ARK2C: variants seen among roughly 807,000 people sequenced by gnomAD.
ARK2C encodes E3 ubiquitin-protein ligase ARK2C.
the ARK2C span, among the ~76,000 whole-genome samples, chr18:46,344,166 G>T: frequency 6.6e-6 from 1 of 152,224 alleles, no homozygotes; most frequent in Non-Finnish European, 1.5e-5. Context: ...AGGAAAGGAA[G>T]CGGCGGCTGC....
At chr18:46,425,200 G>A in the ARK2C span, among the ~76,000 whole-genome samples, 3 of 152,120 alleles carry the variant, frequency 2.0e-5, no homozygotes, top group East Asian at 1.9e-4. Context: ...CTGAGGAGGC[G>A]GGAACTCGGG....
chr18:46,428,357 T>C, the ARK2C span, among the ~76,000 whole-genome samples: 5 of 152,050 alleles, frequency 3.3e-5, no homozygotes, highest in Non-Finnish European at 5.9e-5. Flanking sequence ...TGCAGTGAGC[T>C]GAGATCGTGC....
At chr18:46,405,135 T>C in the ARK2C span, among the ~76,000 whole-genome samples, 1 of 152,238 alleles carries the variant, frequency 6.6e-6, no homozygotes, top group Non-Finnish European at 1.5e-5. Context: ...TCAACATGTC[T>C]ATGGTGTACA....
chr18:46,347,881 C>T, the ARK2C span, among the ~76,000 whole-genome samples: 1 of 152,148 alleles, frequency 6.6e-6, no homozygotes, highest in East Asian at 1.9e-4. Context: ...TTGTTCAGCT[C>T]ATCTAACACA....
At chr18:46,335,758 C>T in the ARK2C span, 7 of 287,636 alleles carry the variant, frequency 2.4e-5, no homozygotes, top group Non-Finnish European at 3.1e-5. Context: ...GTCCCCAGCC[C>T]CGCGCCTCTC....
the ARK2C span, chr18:46,459,478 G>A: frequency 6.6e-6 from 1 of 152,322 alleles, no homozygotes; most frequent in African/African-American, 2.4e-5. Flanking sequence ...CACGTGCTGG[G>A]TGAGACAGTG....
chr18:46,417,526 C>G, the ARK2C span, among the ~76,000 whole-genome samples: 1 of 152,274 alleles, frequency 6.6e-6, no homozygotes, highest in Non-Finnish European at 1.5e-5. Flanking sequence ...TCCTCACCTT[C>G]TTCAGCTCTT....
chr18:46,346,151 C>T, the ARK2C span, among the ~76,000 whole-genome samples: 161 of 152,244 alleles, frequency 1.1e-3, no homozygotes, highest in East Asian at 0.011. Context: ...GGCATTTCAA[C>T]ATGGTGGCAG....
chr18:46,436,563 GT>G, the ARK2C span, among the ~76,000 whole-genome samples: 1 of 152,184 alleles, frequency 6.6e-6, no homozygotes, highest in African/African-American at 2.4e-5. Flanking sequence ...TTAGTCCAGG[GT>G]TGCTTTGGGA....
the ARK2C span, among the ~76,000 whole-genome samples, chr18:46,409,951 G>A: frequency 2.0e-5 from 3 of 152,160 alleles, no homozygotes; most frequent in African/African-American, 7.2e-5. Flanking sequence ...TTGTCTTTAA[G>A]ATGCCAAGTG....
the ARK2C span, among the ~76,000 whole-genome samples, chr18:46,349,273 C>G: frequency 6.6e-6 from 1 of 152,132 alleles, no homozygotes; most frequent in Non-Finnish European, 1.5e-5. Context: ...AATCCAAGCT[C>G]AAGGTGCCAG....
the ARK2C span, among the ~76,000 whole-genome samples, chr18:46,448,623 G>T: frequency 1.3e-5 from 2 of 152,146 alleles, no homozygotes; most frequent in Non-Finnish European, 2.9e-5. Context: ...CACAGGGCTG[G>T]TGTGAGGATC....
the ARK2C span, chr18:46,447,832 C>G: frequency 3.2e-6 from 3 of 943,140 alleles, no homozygotes; most frequent in East Asian, 2.4e-5. Flanking sequence ...TTCCACATGA[C>G]CCAGCTCACC....
chr18:46,353,163 T>C, the ARK2C span, among the ~76,000 whole-genome samples: 1 of 152,246 alleles, frequency 6.6e-6, no homozygotes, highest in South Asian at 2.1e-4. Context: ...TCCAAAAGAC[T>C]ATAGTAGAAT....
At chr18:46,339,072 G>A in the ARK2C span, among the ~76,000 whole-genome samples, 1 of 152,224 alleles carries the variant, frequency 6.6e-6, no homozygotes, top group Admixed American at 6.5e-5. Context: ...ACACATGGAT[G>A]TTCCCAGTGG....
At chr18:46,341,711 T>C in the ARK2C span, among the ~76,000 whole-genome samples, 1 of 152,328 alleles carries the variant, frequency 6.6e-6, no homozygotes, top group African/African-American at 2.4e-5. Flanking sequence ...TGTTGATGCC[T>C]GAAACCCTTG....
the ARK2C span, among the ~76,000 whole-genome samples, chr18:46,448,420 G>A: frequency 6.6e-6 from 1 of 152,206 alleles, no homozygotes; most frequent in African/African-American, 2.4e-5. Flanking sequence ...GGGAGTAGGA[G>A]TGGGCACTGG....
chr18:46,409,638 G>A, the ARK2C span, among the ~76,000 whole-genome samples: 1 of 152,014 alleles, frequency 6.6e-6, no homozygotes, highest in African/African-American at 2.4e-5. Context: ...GGCAGTCTCA[G>A]TCCTGGTATT....
At chr18:46,353,559 G>A in the ARK2C span, among the ~76,000 whole-genome samples, 2 of 152,188 alleles carry the variant, frequency 1.3e-5, no homozygotes, top group Non-Finnish European at 2.9e-5. Flanking sequence ...ACTGGTAAGG[G>A]ATGTTACCTA....
Sources: allele counts gnomAD v4.1 joint callset (sites outside exome capture counted in the v4.1 genomes callset), GRCh38; gene constraint gnomAD v4.1.1; transcripts MANE v1.5; gene names NCBI Gene and HGNC (gene_info 2026-07-23, HGNC 2026-07-21).